Variants in PPP3CA observed in about 807,000 individuals in gnomAD.
PPP3CA encodes the protein CAM-PRP catalytic subunit.
In PPP3CA, 14 loss-of-function variants were observed where a neutral mutation model predicts 66.5. That is an observed-to-expected ratio of 0.21 (90% confidence interval 0.14 to 0.33). The LOEUF (loss-of-function observed/expected upper bound fraction) is 0.33. Ranked by LOEUF, PPP3CA falls within the 10% of genes least tolerant of loss-of-function variation. The probability of loss-of-function intolerance (pLI) is 1.00; values close to 1 mark genes in which losing one functional copy is unlikely to be tolerated. For missense variants in PPP3CA, 317 were observed against 639.5 expected (o/e 0.50, Z 5.44); for synonymous variants, 232 against 226.2 (o/e 1.03, Z -0.23).
intron 2 of PPP3CA, among the ~76,000 whole-genome samples, chr4:101,157,784 T>A (rs1007922105): frequency 1.3e-5 from 2 of 151,910 alleles, no homozygotes; most frequent in Non-Finnish European, 2.9e-5. Flanking sequence ...AATTCCCTGA[T>A]TTTTTAAAAT....
At chr4:101,101,526 T>G (rs943750594) in intron 3 of PPP3CA, among the ~76,000 whole-genome samples, 2 of 152,198 alleles carry the variant, frequency 1.3e-5, no homozygotes, top group African/African-American at 4.8e-5. Flanking sequence ...ATATGAAAAC[T>G]CCTTTAAAAA....
chr4:101,301,013 C>T (rs1319876120), intron 1 of PPP3CA, among the ~76,000 whole-genome samples: 1 of 152,074 alleles, frequency 6.6e-6, no homozygotes, highest in Non-Finnish European at 1.5e-5. Flanking sequence ...GATTTAGGAA[C>T]AGGATTTTAC....
intron 2 of PPP3CA, among the ~76,000 whole-genome samples, chr4:101,166,601 C>T (rs928420461): frequency 3.3e-5 from 5 of 152,132 alleles, no homozygotes; most frequent in Admixed American, 6.6e-5. Context: ...CACCCTGCCA[C>T]GTTAAGTCCA....
chr4:101,124,715 A>G (rs1320594910), intron 2 of PPP3CA, among the ~76,000 whole-genome samples: 24 of 88,086 alleles, frequency 2.7e-4, no homozygotes, highest in East Asian at 2.4e-3. Context: ...GAAAGAAAGA[A>G]AGAAAGAAAG....
chr4:101,088,513 A>G (rs1009862565), intron 6 of PPP3CA, among the ~76,000 whole-genome samples: 2 of 142,104 alleles, frequency 1.4e-5, no homozygotes, highest in African/African-American at 2.6e-5. Context: ...TGAACCCAGG[A>G]GGCAGAGCTT....
chr4:101,316,827 C>T lies in PPP3CA; in HGVS notation c.58+29912G>A, dbSNP rs183110358. On this transcript the variant is annotated intron_variant, in intron 1 of 13. Transcript: ENST00000394854. ...CTGTAAGTTGAATGTAGTAAGAGGGCCTTCTTGGCTGTGCTTTCACTTATA... is the reference window on the plus strand; with the variant it reads ...CTGTAAGTTGAATGTAGTAAGAGGGTCTTCTTGGCTGTGCTTTCACTTATA... Among the ~76,000 whole-genome samples, 19 of 152,236 alleles carry T rather than the reference C, an allele frequency of 1.2e-4. No individual in the cohort carries two copies. In the East Asian group the frequency reaches 3.5e-3, roughly 28 times the overall value.
chr4:101,137,639 C>G (rs1196860839), intron 2 of PPP3CA, among the ~76,000 whole-genome samples: 1 of 152,294 alleles, frequency 6.6e-6, no homozygotes, highest in Non-Finnish European at 1.5e-5. Flanking sequence ...TGAGCACCCA[C>G]TCTCTCTGGT....
intron 2 of PPP3CA, among the ~76,000 whole-genome samples, chr4:101,183,449 T>C (rs924168524): frequency 2.6e-5 from 4 of 152,166 alleles, no homozygotes; most frequent in Admixed American, 1.3e-4. Flanking sequence ...TGAGTGGCCA[T>C]GTGTACCACT....
intron 2 of PPP3CA, among the ~76,000 whole-genome samples, chr4:101,128,885 C>T (rs1423905408): frequency 6.6e-6 from 1 of 152,080 alleles, no homozygotes; most frequent in Non-Finnish European, 1.5e-5. Context: ...GGCTGGAAGA[C>T]AAGCGAGATG....
chr4:101,075,844 T>A (rs977729946), intron 8 of PPP3CA, among the ~76,000 whole-genome samples: 27 of 152,180 alleles, frequency 1.8e-4, no homozygotes, highest in African/African-American at 6.3e-4. Context: ...ATATAAATAA[T>A]CATTGGTGGA....
At chr4:101,226,121 C>A (rs1039004488) in intron 1 of PPP3CA, among the ~76,000 whole-genome samples, 1 of 151,702 alleles carries the variant, frequency 6.6e-6, no homozygotes, top group Non-Finnish European at 1.5e-5. Flanking sequence ...GTAGGAAGGT[C>A]TTTAACACTA....
At chr4:101,200,658 G>A (rs970897370) in intron 1 of PPP3CA, among the ~76,000 whole-genome samples, 1 of 152,114 alleles carries the variant, frequency 6.6e-6, no homozygotes. Flanking sequence ...ATCCGAAGGA[G>A]AAAGGGATTA....
At chr4:101,260,894 A>C (rs1330963429) in intron 1 of PPP3CA, among the ~76,000 whole-genome samples, 1 of 152,094 alleles carries the variant, frequency 6.6e-6, no homozygotes, top group Non-Finnish European at 1.5e-5. Flanking sequence ...AAAGTAAATC[A>C]CTTAATTACT....
intron 1 of PPP3CA, among the ~76,000 whole-genome samples, chr4:101,214,351 A>G (rs1010001909): frequency 6.6e-6 from 1 of 152,074 alleles, no homozygotes; most frequent in Non-Finnish European, 1.5e-5. Context: ...AATAATAATA[A>G]TAATAATATA....
chr4:101,105,990 A>G (rs1317995157), intron 3 of PPP3CA, among the ~76,000 whole-genome samples: 1 of 152,154 alleles, frequency 6.6e-6, no homozygotes, highest in Non-Finnish European at 1.5e-5. Flanking sequence ...TGAATTTAAG[A>G]GTTACTAAAA....
At chr4:101,274,922 G>T (rs140852816) in intron 1 of PPP3CA, among the ~76,000 whole-genome samples, 4 of 152,272 alleles carry the variant, frequency 2.6e-5, no homozygotes, top group Admixed American at 1.3e-4. Context: ...GAGATAAATT[G>T]TGTGAGTAAT....
chr4:101,075,388 T>C (rs1729141773), intron 8 of PPP3CA, among the ~76,000 whole-genome samples: 1 of 152,196 alleles, frequency 6.6e-6, no homozygotes, highest in African/African-American at 2.4e-5. Context: ...TTTAACAAAT[T>C]TCCTTAATTT....
chr4:101,093,801 C>T lies in PPP3CA; in HGVS notation c.757G>A (p.Val253Ile), dbSNP rs1450390683. 1 of 1,612,714 alleles carries T rather than the reference C, an allele frequency of 6.2e-7. No homozygotes were observed. Among genetic ancestry groups the T allele is most frequent in the East Asian group, 2.2e-5 (1 of 44,852 alleles). ...CTGTAGAAGTATGAACACCCCCTGA[C>T]TGTGTTGTGAGTGAAATGTTCCTGA... ...KTQEHFTHNT[V>I]RGCSYFYSYP... Residue 253 changes from valine to isoleucine, a missense_variant, in exon 6 of 14, where the codon GTC (valine) becomes ATC (isoleucine). Val to Ile is a conservative substitution (Grantham distance 29, BLOSUM62 3). Around this residue, in one of 3 missense-constraint regions of PPP3CA, gnomAD observed 201 missense variants for 501.4 expected, o/e 0.40. Coordinates refer to ENST00000394854, the MANE Select transcript of PPP3CA (RefSeq NM_000944.5).
At chr4:101,322,871 A>G (rs1181925106) in intron 1 of PPP3CA, among the ~76,000 whole-genome samples, 2 of 152,228 alleles carry the variant, frequency 1.3e-5, no homozygotes, top group African/African-American at 4.8e-5. Context: ...TTAATATCAC[A>G]ATTTTGAAGA....
Sources: allele counts gnomAD v4.1 joint callset (sites outside exome capture counted in the v4.1 genomes callset), GRCh38; gene constraint gnomAD v4.1.1; regional missense constraint gnomAD v4.1.1; transcripts MANE v1.5; gene names NCBI Gene and HGNC (gene_info 2026-07-23, HGNC 2026-07-21).